Variants in C21orf91 observed in about 807,000 individuals in gnomAD.
C21orf91 encodes protein EURL homolog.
Under a neutral mutation model 32.9 loss-of-function variants are expected in C21orf91, and 26 were observed. That is an observed-to-expected ratio of 0.79 (90% CI 0.58 to 1.10). The LOEUF (loss-of-function observed/expected upper bound fraction) is 1.10. Among genes scored for constraint, C21orf91 ranks in the 50% least tolerant of loss-of-function variants. The pLI is 0.00. For synonymous variants in C21orf91, 126 were observed against 120.4 expected (o/e 1.05, Z -0.31); for missense variants, 310 against 341.3 (o/e 0.91, Z 0.72).
chr21:17,808,303 G>T (rs1653289521), intron 2 of C21orf91, among the ~76,000 whole-genome samples: 2 of 152,260 alleles, frequency 1.3e-5, no homozygotes, highest in Admixed American at 1.3e-4. Context: ...CCCTGCAGGT[G>T]TGCAGAGGGC....
intron 2 of C21orf91, among the ~76,000 whole-genome samples, chr21:17,799,302 T>C (rs531465542): frequency 6.6e-6 from 1 of 152,290 alleles, no homozygotes; most frequent in East Asian, 1.9e-4. Context: ...TTCTTCTTAA[T>C]GATTCATATA....
chr21:17,817,008 G>C (rs996522935), intron 2 of C21orf91, among the ~76,000 whole-genome samples: 3 of 151,982 alleles, frequency 2.0e-5, no homozygotes, highest in Admixed American at 2.0e-4. Context: ...TTTTAGAGAT[G>C]GGGTCTTGCT....
chr21:17,792,844 A>G lies in C21orf91; in HGVS notation c.*571T>C, dbSNP rs927280384. On this transcript the variant is annotated 3_prime_UTR_variant, in exon 5 of 5. Coordinates refer to ENST00000284881, the MANE Select transcript of C21orf91 (RefSeq NM_001100420.2). ...ATATTTATCTTTGGAAAGCAAGGTA[A>G]CCGTTGTGAAAACATTGTATTAAGA... 3 of 152,730 alleles carry G rather than the reference A, an allele frequency of 2.0e-5. No homozygotes were observed. The highest frequency in any genetic ancestry group is 3.9e-4 in the East Asian group (2 of 5,192). 9.5% of individuals were successfully genotyped at this position (152,730 alleles called of 1,614,324 possible).
chr21:17,816,798 T>C (rs1324844395), intron 2 of C21orf91, among the ~76,000 whole-genome samples: 1 of 152,218 alleles, frequency 6.6e-6, no homozygotes, highest in African/African-American at 2.4e-5. Context: ...TTTGGCTGTT[T>C]CCTTAAATGT....
intron 2 of C21orf91, among the ~76,000 whole-genome samples, chr21:17,808,452 GT>G (rs2146258715): frequency 6.6e-6 from 1 of 152,342 alleles, no homozygotes; most frequent in African/African-American, 2.4e-5. Context: ...GAAATGTGGG[GT>G]TGGAGCCCCC....
At chr21:17,811,552 C>T (rs1166923306) in intron 2 of C21orf91, 1 of 152,074 alleles carries the variant, frequency 6.6e-6, no homozygotes, top group Non-Finnish European at 1.5e-5. Flanking sequence ...GGCAAATAAT[C>T]GTTTCTGGAG....
Position 17,790,605 on chromosome 21 carries a change from C to T in C21orf91, c.*2810G>A, listed in dbSNP as rs1237048042. On this transcript the variant is annotated 3_prime_UTR_variant, in exon 5 of 5. Coordinates refer to ENST00000284881, the MANE Select transcript of C21orf91 (RefSeq NM_001100420.2). ...AAACTAAGAATGTGTCTTTGCTCCA[C>T]CATTGTGCATAGTCAACGACACAAC... 3 of 152,064 alleles carry T rather than the reference C, an allele frequency of 2.0e-5. No individual in the cohort carries two copies. The highest frequency in any genetic ancestry group is 1.3e-4 in the Admixed American group (2 of 15,270). 9.4% of individuals were successfully genotyped at this position (152,064 alleles called of 1,614,324 possible). A position where few individuals can be genotyped will look rare whatever the true frequency, so the allele number is the denominator to read the frequency against.
Position 17,797,006 on chromosome 21 carries a change from T to C in C21orf91, c.240A>G (p.Lys80=). The C allele has an allele frequency of 1.2e-6, 2 of 1,613,658 alleles. No individual in the cohort carries two copies. The highest frequency in any genetic ancestry group is 1.7e-6 in the Non-Finnish European group (2 of 1,179,654). ...NQGCPRSKLS[K]STYEEVKTIL... ...TGGTTTTAACTTCTTCATAAGTACT[T>C]TTTGAAAGCTTAGATCGAGGACAAC... is the stretch of plus-strand genomic sequence containing the variant. The change falls in exon 3 of 5, where the codon AAA becomes AAG. Residue 80 remains lysine (K), a synonymous_variant. Transcript: ENST00000284881.
chr21:17,789,665 C>T lies in C21orf91; in HGVS notation c.*3750G>A, dbSNP rs1257905755. On this transcript the variant is annotated 3_prime_UTR_variant, in exon 5 of 5. Coordinates refer to ENST00000284881, the MANE Select transcript of C21orf91 (RefSeq NM_001100420.2). The stretch of plus-strand genomic sequence containing the variant: ...TCAATGTTACCATAGCCAGAAGTTG[C>T]TTAATAGGTTAGACTGCACCATAAT... 1 of 152,040 alleles carries T rather than the reference C, an allele frequency of 6.6e-6. No individual in the cohort carries two copies. The highest frequency in any genetic ancestry group is 1.9e-4 in the East Asian group (1 of 5,198). 9.4% of individuals were successfully genotyped at this position (152,040 alleles called of 1,614,324 possible). A position where few individuals can be genotyped will look rare whatever the true frequency, so the allele number is the denominator to read the frequency against.
At position 17,795,847 on chromosome 21, in the gene C21orf91, T is replaced by C. The variant is rs190605698; in HGVS notation, c.665-577A>G. On this transcript the variant is annotated intron_variant, in intron 3 of 4. Coordinates refer to ENST00000284881, the MANE Select transcript of C21orf91 (RefSeq NM_001100420.2). ...TAAAAGTTTCACCAAAAAATAGTAG[T>C]AGGTCCAATGAATTCTGGTATCTCC... Among the ~76,000 whole-genome samples, 4 of 152,308 alleles carry C rather than the reference T, an allele frequency of 2.6e-5. No individual in the cohort carries two copies. The East Asian group carries it at 5.8e-4, about 22-fold the overall frequency.
chr21:17,819,013 C>T (rs559147337), intron 1 of C21orf91: 1 of 152,232 alleles, frequency 6.6e-6, no homozygotes, highest in East Asian at 1.9e-4. Flanking sequence ...CGTCCCATCG[C>T]TCCGGGATTC....
At chr21:17,807,354 G>GT (rs1480494546) in intron 2 of C21orf91, among the ~76,000 whole-genome samples, 2 of 152,128 alleles carry the variant, frequency 1.3e-5, no homozygotes, top group East Asian at 1.9e-4. Context: ...TGTCATGATT[G>GT]TAAGTTTTCT....
At position 17,792,704 on chromosome 21, in the gene C21orf91, G is replaced by A. The variant is rs2062485917; in HGVS notation, c.*711C>T. ...TCTTCCTGAACTAAGAACTGCTTTT[G>A]TTAGAAAACAAAATAATGTATTGTA... On this transcript the variant is annotated 3_prime_UTR_variant, in exon 5 of 5. Coordinates refer to ENST00000284881, the MANE Select transcript of C21orf91 (RefSeq NM_001100420.2). The A allele has an allele frequency of 6.6e-6, 1 of 152,316 alleles. No individual in the cohort carries two copies. Among genetic ancestry groups the A allele is most frequent in the South Asian group, 2.1e-4 (1 of 4,822 alleles). The allele number at this position is 152,316 out of a possible 1,614,324, so 9.4% of individuals were successfully genotyped here.
At position 17,797,068 on chromosome 21, in the gene C21orf91, C is replaced by G. The variant is rs752652318; in HGVS notation, c.178G>C (p.Asp60His). The G allele has an allele frequency of 5.6e-6, 9 of 1,610,110 alleles. No individual in the cohort carries two copies. In the Admixed American group the frequency reaches 1.5e-4, roughly 27 times the overall value. Residue 60 changes from aspartate (D) to histidine (H), a missense_variant, in exon 3 of 5, where the codon GAC becomes CAC. Transcript: ENST00000284881. Reference protein sequence around the residue: ...LHTKSLRGHKDCFEKYHLIAN... With the variant: ...LHTKSLRGHKHCFEKYHLIAN... ...ATTAAATGGTATTTTTCAAAGCAGT[C>G]TTTATGGCCCCTTAATGATTTGGTG...
At chr21:17,807,006 C>T (rs1263413957) in intron 2 of C21orf91, among the ~76,000 whole-genome samples, 1 of 152,176 alleles carries the variant, frequency 6.6e-6, no homozygotes, top group African/African-American at 2.4e-5. Flanking sequence ...TTATCCAATA[C>T]ACTTTGTTAA....
At position 17,791,776 on chromosome 21, in the gene C21orf91, T is replaced by C. The variant is rs1470066277; in HGVS notation, c.*1639A>G. The C allele has an allele frequency of 6.6e-6, 1 of 152,212 alleles. No individual in the cohort carries two copies. The highest frequency in any genetic ancestry group is 2.4e-5 in the African/African-American group (1 of 41,472). 9.4% of individuals were successfully genotyped at this position (152,212 alleles called of 1,614,324 possible). On this transcript the variant is annotated 3_prime_UTR_variant, in exon 5 of 5. Coordinates refer to ENST00000284881, the MANE Select transcript of C21orf91 (RefSeq NM_001100420.2). ...TACTCCCTGGATTTTAAATTCATTT[T>C]GCATGACTTAAAGAATTGAGAGAAA... is the stretch of plus-strand genomic sequence containing the variant.
At chr21:17,811,775 T>C (rs1198974983) in intron 2 of C21orf91, among the ~76,000 whole-genome samples, 1 of 152,210 alleles carries the variant, frequency 6.6e-6, no homozygotes, top group African/African-American at 2.4e-5. Flanking sequence ...GTCATTTCTA[T>C]GTATTCTAAT....
chr21:17,799,540 A>T (rs951656478), intron 2 of C21orf91, among the ~76,000 whole-genome samples: 1 of 151,974 alleles, frequency 6.6e-6, no homozygotes, highest in African/African-American at 2.4e-5. Context: ...TCCCCCATAA[A>T]ATCTAGCACC....
rs1196248864 is a variant in C21orf91 at position 17,791,785 on chromosome 21, T to C, written c.*1630A>G. The C allele has an allele frequency of 6.6e-6, 1 of 152,164 alleles. No individual in the cohort carries two copies. Among genetic ancestry groups the C allele is most frequent in the African/African-American group, 2.4e-5 (1 of 41,456 alleles). The allele number at this position is 152,164 out of a possible 1,614,324, so 9.4% of individuals were successfully genotyped here. Reference sequence around the variant, plus strand: ...GATTTTAAATTCATTTTGCATGACTTAAAGAATTGAGAGAAATCGAAAGCA... The same window carrying C: ...GATTTTAAATTCATTTTGCATGACTCAAAGAATTGAGAGAAATCGAAAGCA... On this transcript the variant is annotated 3_prime_UTR_variant, in exon 5 of 5. Transcript: ENST00000284881.
Sources: allele counts gnomAD v4.1 joint callset (sites outside exome capture counted in the v4.1 genomes callset), GRCh38; gene constraint gnomAD v4.1.1; transcripts MANE v1.5; gene names NCBI Gene and HGNC (gene_info 2026-07-23, HGNC 2026-07-21).